UGP2: variants seen among roughly 807,000 people sequenced by gnomAD.
UGP2 encodes UTP--glucose-1-phosphate uridylyltransferase.
In UGP2, 40 loss-of-function variants were observed where a neutral mutation model predicts 49.0. The ratio of observed to expected loss-of-function variants is 0.82; its 90% CI spans 0.63 to 1.06. UGP2 has a LOEUF of 1.06. Ranked by LOEUF, UGP2 falls within the 50% of genes least tolerant of loss-of-function variation. The probability of loss-of-function intolerance (pLI) is 0.00; values close to 1 mark genes in which losing one functional copy is unlikely to be tolerated. For synonymous variants in UGP2, 225 were observed against 213.0 expected, an observed-to-expected ratio of 1.06 and a Z score of -0.49; for missense variants, 460 against 603.5, an observed-to-expected ratio of 0.76 and a Z score of 2.49.
chr2:63,856,944 A>C, intron 2 of UGP2: 1 of 398,216 alleles, frequency 2.5e-6, no homozygotes, highest in Non-Finnish European at 4.9e-6. Context: ...GCTGTGTTTT[A>C]TTTCTTTTTG....
rs150839162 is a variant in UGP2, at chr2:63,871,620, G to T, written c.256-10846G>T. 2.0e-5 allele frequency among the ~76,000 whole-genome samples: 3 copies of T among 152,330 alleles called. No homozygotes were observed. In the East Asian group the frequency reaches 5.8e-4, roughly 29 times the overall value. ...TTTTTAAATCTCAAGTTTTCTTTCT[G>T]TTGTTTTGAAAATTGCCTGATTTCT... is the stretch of plus-strand genomic sequence containing the variant. On this transcript the variant is annotated intron_variant, in intron 3 of 9. Coordinates refer to ENST00000337130, the MANE Select transcript of UGP2 (RefSeq NM_006759.4).
intron 3 of UGP2, among the ~76,000 whole-genome samples, chr2:63,874,087 C>T (rs1235289865): frequency 2.6e-5 from 4 of 152,164 alleles, no homozygotes; most frequent in Non-Finnish European, 4.4e-5. Flanking sequence ...AGAACTTTGG[C>T]ACAAATAGCT....
intron 1 of UGP2, among the ~76,000 whole-genome samples, chr2:63,847,912 A>G (rs186382151): frequency 6.6e-5 from 10 of 152,336 alleles, no homozygotes; most frequent in Admixed American, 3.3e-4. Flanking sequence ...GAGGCCTGAC[A>G]TAGGCATTAT....
intron 3 of UGP2, among the ~76,000 whole-genome samples, chr2:63,875,043 T>C (rs1461910245): frequency 6.6e-6 from 1 of 152,232 alleles, no homozygotes; most frequent in Non-Finnish European, 1.5e-5. Flanking sequence ...GTATGACTTT[T>C]CTGTTATAAA....
intron 1 of UGP2, among the ~76,000 whole-genome samples, chr2:63,844,690 T>C (rs535062529): frequency 1.3e-5 from 2 of 152,252 alleles, no homozygotes; most frequent in South Asian, 4.1e-4. Context: ...GCCCCCTGAG[T>C]AGCTGGGACT....
At chr2:63,890,526 C>G (rs575990129) in intron 9 of UGP2, among the ~76,000 whole-genome samples, 1 of 152,014 alleles carries the variant, frequency 6.6e-6, no homozygotes, top group Admixed American at 6.6e-5. Context: ...AGGAGGGAAA[C>G]GGGGGTATAA....
At chr2:63,885,216 G>A (rs569797583) in intron 5 of UGP2, among the ~76,000 whole-genome samples, 68 of 151,940 alleles carry the variant, frequency 4.5e-4, no homozygotes, top group African/African-American at 1.5e-3. Context: ...TTGTAAGAAT[G>A]GGCAGTATTT....
In UGP2 at chr2:63,885,598, G is replaced by A. The variant is rs1347691791; in HGVS notation, c.585G>A (p.Arg195=). Residue 195 remains arginine (R), a synonymous_variant, in exon 6 of 10, where the codon AGG becomes AGA. Transcript: ENST00000337130. ...TTTTTTTTTTTTAAAGGTACCCGAG[G>A]ATTAATAAAGAATCTTTACTTCCTG... The part of the protein sequence containing the change: ...IYTFNQSRYP[R]INKESLLPVA... 6.4e-7 allele frequency: 1 copy of A among 1,551,612 alleles called. No individual in the cohort carries two copies. Among genetic ancestry groups the A allele is most frequent in the Non-Finnish European group, 8.7e-7 (1 of 1,155,468 alleles).
chr2:63,887,103 A>G (rs1337603790), intron 7 of UGP2, among the ~76,000 whole-genome samples: 1 of 151,990 alleles, frequency 6.6e-6, no homozygotes, highest in East Asian at 1.9e-4. Flanking sequence ...ATCTCTACTA[A>G]AAATACAAAA....
chr2:63,859,435 T>A (rs1669681672), intron 3 of UGP2, among the ~76,000 whole-genome samples: 1 of 152,180 alleles, frequency 6.6e-6, no homozygotes, highest in African/African-American at 2.4e-5. Context: ...GGTTCAAGAA[T>A]TAGTTTTTTT....
At chr2:63,880,183 C>G (rs956589835) in intron 3 of UGP2, among the ~76,000 whole-genome samples, 4 of 148,684 alleles carry the variant, frequency 2.7e-5, no homozygotes, top group Admixed American at 6.7e-5. Context: ...ACCCCTCCCC[C>G]CTCCTCCCTC....
At position 63,891,377 on chromosome 2, in the gene UGP2, T is replaced by C. The variant is rs1672148036; in HGVS notation, c.*150T>C. The C allele has an allele frequency of 2.0e-5, 11 of 539,546 alleles. No homozygotes were observed. The highest frequency in any genetic ancestry group is 3.4e-5 in the Non-Finnish European group (11 of 325,448). The allele number at this position is 539,546 out of a possible 1,614,324, so 33.4% of individuals were successfully genotyped here. On this transcript the variant is annotated 3_prime_UTR_variant, in exon 10 of 10. Coordinates refer to ENST00000337130, the MANE Select transcript of UGP2 (RefSeq NM_006759.4). ...AGAGTTTTCTGCAGTATGCTTTTAGTCTAAGAAAAGCACAGATGGAGCAAT... is the reference window on the plus strand; with the variant it reads ...AGAGTTTTCTGCAGTATGCTTTTAGCCTAAGAAAAGCACAGATGGAGCAAT...
At chr2:63,851,565 A>G (rs1052858322) in intron 1 of UGP2, among the ~76,000 whole-genome samples, 2 of 152,158 alleles carry the variant, frequency 1.3e-5, no homozygotes, top group African/African-American at 4.8e-5. Context: ...TTTCCCAGAG[A>G]TTGGGATGAT....
At chr2:63,842,753 G>T (rs1671655430) in intron 1 of UGP2, among the ~76,000 whole-genome samples, 1 of 152,190 alleles carries the variant, frequency 6.6e-6, no homozygotes, top group Admixed American at 6.5e-5. Flanking sequence ...TGACTTTGCT[G>T]CATTGCTGTG....
chr2:63,861,239 C>T (rs1439743724), intron 3 of UGP2, among the ~76,000 whole-genome samples: 1 of 151,228 alleles, frequency 6.6e-6, no homozygotes, highest in Non-Finnish European at 1.5e-5. Context: ...CTTATTTGAC[C>T]ATTTCATTGT....
intron 1 of UGP2, among the ~76,000 whole-genome samples, chr2:63,844,702 C>T (rs1402405968): frequency 6.6e-6 from 1 of 152,200 alleles, no homozygotes; most frequent in Non-Finnish European, 1.5e-5. Flanking sequence ...GCTGGGACTA[C>T]AGGTGCACAC....
At chr2:63,884,140 G>T (rs1440082983) in intron 5 of UGP2, 47 bp downstream of exon 5, 2 of 1,602,272 alleles carry the variant, frequency 1.2e-6, no homozygotes, top group Non-Finnish European at 1.7e-6. Context: ...TCCTGGGAAA[G>T]GACTTCTTTA....
rs545153919 is a variant in UGP2, at chr2:63,885,625, A to G, written c.612A>G (p.Val204=). 1 of 1,579,220 alleles carries G rather than the reference A, an allele frequency of 6.3e-7. No homozygotes were observed. Among genetic ancestry groups the G allele is most frequent in the East Asian group, 2.3e-5 (1 of 44,110 alleles). The change falls in exon 6 of 10, where the codon GTA becomes GTG. Residue 204 remains valine (V), a synonymous_variant. Transcript: ENST00000337130. Reference sequence around the variant, plus strand: ...TTAATAAAGAATCTTTACTTCCTGTAGCAAAGGACGTGTCTTACTCAGGGG... The same window carrying G: ...TTAATAAAGAATCTTTACTTCCTGTGGCAAAGGACGTGTCTTACTCAGGGG... ...PRINKESLLP[V]AKDVSYSGEN... is the part of the protein sequence containing the mutation.
At position 63,842,174 on chromosome 2, in the gene UGP2, T is replaced by C. The variant is rs779223932; in HGVS notation, c.-12T>C. 1 of 1,583,054 alleles carries C rather than the reference T, an allele frequency of 6.3e-7. No homozygotes were observed. The highest frequency in any genetic ancestry group is 2.2e-5 in the East Asian group (1 of 44,740). On this transcript the variant is annotated 5_prime_UTR_variant, in exon 1 of 10. Coordinates refer to ENST00000337130, the MANE Select transcript of UGP2 (RefSeq NM_006759.4). ...AAAAAAAAAAGCCGGAGTATTTTAC[T>C]AAGCCCCTAAAATGTCGAGATTTGT...
Sources: gnomAD v4.1 joint callset for allele counts (sites outside exome capture counted in the v4.1 genomes callset) on GRCh38, gnomAD v4.1.1 for gene constraint, MANE v1.5 for transcripts, NCBI Gene and HGNC (gene_info 2026-07-23, HGNC 2026-07-21) for gene names.